The following ADAM12 variants were observed in gnomAD, a reference collection of about 807,000 sequenced individuals.
ADAM12 encodes disintegrin and metalloproteinase domain-containing protein 12.
Under a neutral mutation model 106.4 loss-of-function variants are expected in ADAM12, and 70 were observed. The ratio of observed to expected loss-of-function variants is 0.66; its 90% CI spans 0.54 to 0.80. ADAM12 has a LOEUF of 0.80. ADAM12 is among the 30% of genes least tolerant of loss of function. The probability of loss-of-function intolerance (pLI) is 0.00; values close to 1 mark genes in which losing one functional copy is unlikely to be tolerated. For missense variants in ADAM12, 1,010 were observed against 1,171.9 expected (o/e 0.86, Z 2.02); for synonymous variants, 420 against 433.5 (o/e 0.97, Z 0.39).
Position 126,379,541 on chromosome 10 carries a change from CA to C in ADAM12, c.88+8516del, listed in dbSNP as rs1477850015. On this transcript the variant is annotated intron_variant, in intron 1 of 22. Transcript: ENST00000448723. ...GAACATCACACACTGGGGCGCCTGT[CA>C]GGGGGATGGGGAGCTAGGGGAGGGA... 8.6e-5 allele frequency among the ~76,000 whole-genome samples: 13 copies of C among 151,934 alleles called. No homozygotes were observed. In the East Asian group the frequency reaches 2.1e-3, roughly 25 times the overall value.
chr10:126,217,799 C>T (rs1028234230), intron 3 of ADAM12, among the ~76,000 whole-genome samples: 3 of 151,524 alleles, frequency 2.0e-5, no homozygotes, highest in Non-Finnish European at 4.4e-5. Flanking sequence ...TATAGCGAAA[C>T]CTCATCTCTA....
chr10:126,155,152 G>C, intron 4 of ADAM12, 75 bp downstream of exon 4: 1 of 1,531,238 alleles, frequency 6.5e-7, no homozygotes, highest in East Asian at 2.3e-5. Flanking sequence ...ATTTTGCTCC[G>C]AATAAAATGG....
At chr10:126,102,499 T>G (rs1268507985) in intron 8 of ADAM12, among the ~76,000 whole-genome samples, 1 of 152,222 alleles carries the variant, frequency 6.6e-6, no homozygotes, top group African/African-American at 2.4e-5. Context: ...TAGAAGAAAC[T>G]GCTCAAAGTT....
chr10:126,095,394 C>A (rs916530495), intron 10 of ADAM12, among the ~76,000 whole-genome samples: 1 of 151,734 alleles, frequency 6.6e-6, no homozygotes, highest in Admixed American at 6.6e-5. Flanking sequence ...ACTAGCCGGG[C>A]GTGGTGGCGG....
At chr10:126,330,637 C>T in intron 1 of ADAM12, 128 bp from the exon 2 acceptor site, 1 of 730,220 alleles carries the variant, frequency 1.4e-6, no homozygotes, top group Admixed American at 3.2e-5. Context: ...ACACTAGAAC[C>T]CATTAAGTCA....
intron 3 of ADAM12, among the ~76,000 whole-genome samples, chr10:126,227,597 G>A (rs541661240): frequency 6.6e-6 from 1 of 152,288 alleles, no homozygotes; most frequent in South Asian, 2.1e-4. Context: ...GAATCTGCAT[G>A]TCAGCATTAT....
chr10:126,164,469 A>G (rs1240008064), intron 3 of ADAM12, among the ~76,000 whole-genome samples: 9 of 152,214 alleles, frequency 5.9e-5, no homozygotes, highest in Non-Finnish European at 1.2e-4. Context: ...AATCATTCAT[A>G]TGTAAATTTG....
At chr10:126,193,765 C>T (rs1159822920) in intron 3 of ADAM12, among the ~76,000 whole-genome samples, 2 of 151,986 alleles carry the variant, frequency 1.3e-5, no homozygotes, top group Non-Finnish European at 2.9e-5. Context: ...CATGTGGTGG[C>T]GTGCGCCTGT....
intron 2 of ADAM12, among the ~76,000 whole-genome samples, chr10:126,322,753 A>G (rs1854148355): frequency 6.6e-6 from 1 of 152,254 alleles, no homozygotes; most frequent in Non-Finnish European, 1.5e-5. Flanking sequence ...ACAGCAAGGC[A>G]GAGGGAGTCC....
chr10:126,043,999 G>A lies in ADAM12; in HGVS notation c.1996-851C>T, dbSNP rs1954248154. ...CAGCCCCTGCCCACCTGGTTACCAA[G>A]GGCTACTGATGGCGGCCACTCCCAA... On this transcript the variant is annotated intron_variant, in intron 17 of 22. Transcript: ENST00000448723. This position sits in a 1 kb window ranked among gnomAD's most constrained non-coding sequence, Gnocchi z 4.1. 6.6e-6 allele frequency among the ~76,000 whole-genome samples: 1 copy of A among 152,190 alleles called. No individual in the cohort carries two copies. The highest frequency in any genetic ancestry group is 2.1e-4 in the South Asian group (1 of 4,832).
intron 11 of ADAM12, among the ~76,000 whole-genome samples, chr10:126,092,617 G>T (rs932352353): frequency 6.6e-6 from 1 of 152,144 alleles, no homozygotes; most frequent in Non-Finnish European, 1.5e-5. Context: ...TTGACTTTGT[G>T]TACAGATCCT....
intron 3 of ADAM12, among the ~76,000 whole-genome samples, chr10:126,269,160 G>A (rs551481630): frequency 6.6e-6 from 1 of 152,318 alleles, no homozygotes; most frequent in South Asian, 2.1e-4. Context: ...GGGTAGCAGT[G>A]AGGATGACTA....
chr10:126,061,168 T>C (rs931583098), intron 14 of ADAM12, among the ~76,000 whole-genome samples: 1 of 152,208 alleles, frequency 6.6e-6, no homozygotes. Context: ...ACAGCCCGTT[T>C]TACAGACCCC....
rs1197589327 is a variant in ADAM12 at position 126,056,786 on chromosome 10, A to C, written c.1610-7117T>G. On this transcript the variant is annotated intron_variant, in intron 14 of 22. Coordinates refer to ENST00000448723, the MANE Select transcript of ADAM12 (RefSeq NM_001288973.2). ...TCCCTACAAAGGACATGAACTCATC[A>C]TTTTTTATGGCTGCATAGTATTCCA... is the stretch of plus-strand genomic sequence containing the variant. Among the ~76,000 whole-genome samples the C allele has an allele frequency of 4.0e-5, 2 of 50,292 alleles. 1 individual carries two copies. The highest frequency in any genetic ancestry group is 8.4e-5 in the Non-Finnish European group (2 of 23,936). 33.0% of individuals were successfully genotyped at this position (50,292 alleles called of 152,430 possible). A position where few individuals can be genotyped will look rare whatever the true frequency, so the allele number is the denominator to read the frequency against.
At chr10:126,348,885 C>A (rs760309675) in intron 1 of ADAM12, among the ~76,000 whole-genome samples, 2 of 152,098 alleles carry the variant, frequency 1.3e-5, no homozygotes, top group East Asian at 1.9e-4. Context: ...GATATAATTA[C>A]GCTAAGAAAA....
chr10:126,342,265 T>C (rs765050216), intron 1 of ADAM12, among the ~76,000 whole-genome samples: 34 of 152,162 alleles, frequency 2.2e-4, no homozygotes, highest in Non-Finnish European at 3.2e-4. Flanking sequence ...TAGAGGTAGG[T>C]GCTGACATGA....
chr10:126,245,708 G>A (rs533731704), intron 3 of ADAM12, among the ~76,000 whole-genome samples: 5 of 152,210 alleles, frequency 3.3e-5, no homozygotes, highest in Non-Finnish European at 5.9e-5. Context: ...AAGTTATCAT[G>A]GGAGTCAGGG....
At chr10:126,376,049 A>T (rs1019374175) in intron 1 of ADAM12, among the ~76,000 whole-genome samples, 1 of 151,670 alleles carries the variant, frequency 6.6e-6, no homozygotes, top group Non-Finnish European at 1.5e-5. Context: ...GGCCTGGCTA[A>T]TCCTTTTGTT....
chr10:126,367,389 T>C (rs1003097223), intron 1 of ADAM12, among the ~76,000 whole-genome samples: 5 of 151,936 alleles, frequency 3.3e-5, no homozygotes, highest in African/African-American at 1.2e-4. Context: ...AAATAACCTA[T>C]ACAAATTTGT....
Sources: gnomAD v4.1 joint callset for allele counts (sites outside exome capture counted in the v4.1 genomes callset) on GRCh38, gnomAD v4.1.1 for gene constraint, Gnocchi (gnomAD v3.1) non-coding constraint, MANE v1.5 for transcripts, NCBI Gene and HGNC (gene_info 2026-07-23, HGNC 2026-07-21) for gene names.